The following PCP2 variants were observed in gnomAD, a reference collection of about 807,000 sequenced individuals.
The protein encoded by PCP2 is Purkinje cell protein 2.
A neutral mutation model predicts 18.3 loss-of-function variants in PCP2; 21 were observed. That is an observed-to-expected ratio of 1.14 (90% confidence interval 0.81 to 1.65). The LOEUF (loss-of-function observed/expected upper bound fraction) is 1.65. Among genes scored for constraint, PCP2 ranks in the 40% most tolerant of loss-of-function variants. The pLI, the probability that PCP2 is intolerant of heterozygous loss-of-function variation, is 0.00. For missense variants in PCP2, 202 were observed against 201.8 expected, an observed-to-expected ratio of 1.00 and a Z score of 0.00; for synonymous variants, 85 against 77.6, an observed-to-expected ratio of 1.10 and a Z score of -0.50.
upstream of PCP2, among the ~76,000 whole-genome samples, chr19:7,635,618 C>T (rs768467198): frequency 3.2e-4 from 49 of 152,172 alleles, no homozygotes; most frequent in Non-Finnish European, 7.1e-4. Flanking sequence ...ATCCCTTGAG[C>T]TCAGGAAGTC....
chr19:7,632,383 C>T lies in PCP2; in HGVS notation c.291+10G>A, dbSNP rs2031350349. 2 of 1,613,646 alleles carry T rather than the reference C, an allele frequency of 1.2e-6. No homozygotes were observed. The highest frequency in any genetic ancestry group is 1.7e-6 in the Non-Finnish European group (2 of 1,179,928). ...GGGTTTCTCCTCGACATCGCCAGAA[C>T]ATCACCTACCTTGGACCCCACGGGC... On this transcript the variant is annotated intron_variant, in intron 3 of 3. Coordinates refer to ENST00000311069, the MANE Select transcript of PCP2 (RefSeq NM_174895.3). This position sits in a 1 kb window ranked among gnomAD's most constrained non-coding sequence, Gnocchi z 5.2.
upstream of PCP2, among the ~76,000 whole-genome samples, chr19:7,634,678 T>A (rs2031462543): frequency 7.0e-6 from 1 of 143,488 alleles, no homozygotes; most frequent in African/African-American, 2.5e-5. Flanking sequence ...CCTTTAAAAT[T>A]TTTTTTTAAC....
At chr19:7,634,886 C>T (rs1236610722), upstream of PCP2, among the ~76,000 whole-genome samples, 1 of 152,180 alleles carries the variant, frequency 6.6e-6, no homozygotes, top group Non-Finnish European at 1.5e-5. Context: ...GGCATTCTCC[C>T]TCTGTGTCCC....
Position 7,632,014 on chromosome 19 carries a change from G to C in PCP2, c.292-206C>G. 1 of 501,390 alleles carries C rather than the reference G, an allele frequency of 2.0e-6. No homozygotes were observed. 31.1% of individuals were successfully genotyped at this position (501,390 alleles called of 1,614,324 possible). On this transcript the variant is annotated intron_variant, in intron 3 of 3. Transcript: ENST00000311069. The surrounding 1 kb of genome is among the most constrained non-coding windows in gnomAD (Gnocchi z 5.2). ...GGGGCCCTCGCTGGGATCTTGATCA[G>C]AACCCAAGCTTCGTGTATGTGTGAA...
chr19:7,632,505 G>T lies in PCP2; in HGVS notation c.179C>A (p.Thr60Asn). 2.5e-6 allele frequency: 4 copies of T among 1,613,400 alleles called. No homozygotes were observed. Among genetic ancestry groups the T allele is most frequent in the Non-Finnish European group, 3.4e-6 (4 of 1,179,958 alleles). The change falls in exon 3 of 4, where the codon ACC (threonine) becomes AAC (asparagine). Residue 60 changes from threonine (T) to asparagine (N), a missense_variant. Transcript: ENST00000311069. This position sits in a 1 kb window ranked among gnomAD's most constrained non-coding sequence, Gnocchi z 5.2. Reference protein sequence around the residue: ...GQTTKSQSDPTPEMDSLMDML... With the variant: ...GQTTKSQSDPNPEMDSLMDML... Reference sequence around the variant, plus strand: ...GTCCATGAGGCTGTCCATCTCGGGGGTGGGGTCGCTCTCTGCGTGGACGTT... The same window carrying T: ...GTCCATGAGGCTGTCCATCTCGGGGTTGGGGTCGCTCTCTGCGTGGACGTT...
At chr19:7,636,272 C>A (rs1027671122), upstream of PCP2, 4 of 152,176 alleles carry the variant, frequency 2.6e-5, no homozygotes, top group Non-Finnish European at 5.9e-5. Flanking sequence ...TACCTCGCAC[C>A]TTAAATCGGA....
In PCP2 at chr19:7,632,745, TGCAGTGAACAGC is replaced by T. The variant is rs767166648; in HGVS notation, c.125_136del (p.Arg42_Leu45del). 4 of 1,565,830 alleles carry T rather than the reference TGCAGTGAACAGC, an allele frequency of 2.6e-6. No individual in the cohort carries two copies. In the Admixed American group the frequency reaches 5.5e-5, roughly 22 times the overall value. ...CTTGGTGGTCTGGCCCGGCCCGGCTTGCAGTGAACAGCGCTGTCCCTCCATCCGGTCGCCCTG... is the reference window on the plus strand; with the variant it reads ...CTTGGTGGTCTGGCCCGGCCCGGCTTGCTGTCCCTCCATCCGGTCGCCCTG... On this transcript the variant is annotated inframe_deletion, in exon 2 of 4. Transcript: ENST00000311069. The surrounding 1 kb of genome is among the most constrained non-coding windows in gnomAD (Gnocchi z 5.2).
upstream of PCP2, among the ~76,000 whole-genome samples, chr19:7,634,878 C>T (rs533754951): frequency 2.1e-4 from 32 of 152,282 alleles, no homozygotes; most frequent in African/African-American, 7.0e-4. Context: ...GGTCACATGG[C>T]ATTCTCCCTC....
At chr19:7,635,596 C>T (rs116315032), upstream of PCP2, among the ~76,000 whole-genome samples, 1,426 of 152,064 alleles carry the variant, frequency 9.4e-3, 25 homozygotes, top group African/African-American at 0.031. Context: ...CTTGGGTGGC[C>T]GAAGTGGAAG....
Position 7,633,608 on chromosome 19 carries a change from C to T in PCP2, c.-151G>A. Reference sequence around the variant, plus strand: ...ATCTGCTCCCACCCAAGCTTAAGCCCCATAAAGATCATCCAGATAATTGTT... The same window carrying T: ...ATCTGCTCCCACCCAAGCTTAAGCCTCATAAAGATCATCCAGATAATTGTT... On this transcript the variant is annotated 5_prime_UTR_variant, in exon 1 of 4. Transcript: ENST00000311069. 1.4e-6 allele frequency: 1 copy of T among 705,906 alleles called. No individual in the cohort carries two copies. Among genetic ancestry groups the T allele is most frequent in the East Asian group, 2.8e-5 (1 of 35,740 alleles). The allele number at this position is 705,906 out of a possible 1,614,324, so 43.7% of individuals were successfully genotyped here. A position where few individuals can be genotyped will look rare whatever the true frequency, so the allele number is the denominator to read the frequency against.
chr19:7,635,150 C>G (rs762155852), upstream of PCP2, among the ~76,000 whole-genome samples: 18 of 152,298 alleles, frequency 1.2e-4, no homozygotes, highest in African/African-American at 4.1e-4. Context: ...CTCTGTCCCC[C>G]CAAGGGGTCA....
Position 7,632,972 on chromosome 19 carries a change from C to G in PCP2, c.52-142G>C. 2 of 1,454,792 alleles carry G rather than the reference C, an allele frequency of 1.4e-6. No homozygotes were observed. The highest frequency in any genetic ancestry group is 3.6e-4 in the Middle Eastern group (2 of 5,500). 90.1% of individuals were successfully genotyped at this position (1,454,792 alleles called of 1,614,324 possible). ...TCTCACCATGGTCCCCGCCGATCCT[C>G]TCTGCAGAGCTGTTCTGAATGAGAC... On this transcript the variant is annotated intron_variant, in intron 1 of 3. Coordinates refer to ENST00000311069, the MANE Select transcript of PCP2 (RefSeq NM_174895.3). This position sits in a 1 kb window ranked among gnomAD's most constrained non-coding sequence, Gnocchi z 5.2.
rs148587333 is a variant in PCP2, at chr19:7,632,357, C to T, written c.291+36G>A. 843 of 1,611,486 alleles carry T rather than the reference C, an allele frequency of 5.2e-4. 3 individuals are homozygous for T. The African/African-American group carries it at 9.4e-3, about 18-fold the overall frequency. On this transcript the variant is annotated intron_variant, in intron 3 of 3. Coordinates refer to ENST00000311069, the MANE Select transcript of PCP2 (RefSeq NM_174895.3). This position sits in a 1 kb window ranked among gnomAD's most constrained non-coding sequence, Gnocchi z 5.2. ...GGCAGGATCGGAGAGCACTGCCTGGCGGGTTTCTCCTCGACATCGCCAGAA... is the reference window on the plus strand; with the variant it reads ...GGCAGGATCGGAGAGCACTGCCTGGTGGGTTTCTCCTCGACATCGCCAGAA...
intron 3 of PCP2, 78 bp from the exon 4 acceptor site, chr19:7,631,886 G>A: frequency 1.5e-6 from 2 of 1,326,694 alleles, no homozygotes; most frequent in Non-Finnish European, 2.0e-6. Context: ...TGGAGAGAGG[G>A]TGCAGGTAGC....
chr19:7,635,883 C>T (rs2031510604), upstream of PCP2, among the ~76,000 whole-genome samples: 1 of 152,120 alleles, frequency 6.6e-6, no homozygotes, highest in African/African-American at 2.4e-5. Context: ...GTCAGTCTGA[C>T]CTTGTCCTAC....
upstream of PCP2, chr19:7,633,826 C>A: frequency 4.3e-6 from 1 of 231,510 alleles, no homozygotes; most frequent in Non-Finnish European, 8.4e-6. Flanking sequence ...TTAGGGAGGA[C>A]TTGCAGGTGT....
At chr19:7,636,417 A>G (rs1226197202), upstream of PCP2, 1 of 152,162 alleles carries the variant, frequency 6.6e-6, no homozygotes, top group Admixed American at 6.6e-5. Flanking sequence ...CCATGTGTGT[A>G]TCAGCATGTT....
chr19:7,632,128 T>TATTTTCTCCCTTTGGCCTCCC lies in PCP2; in HGVS notation c.291+244_291+264dup. 1 of 590,542 alleles carries TATTTTCTCCCTTTGGCCTCCC rather than the reference T, an allele frequency of 1.7e-6. No individual in the cohort carries two copies. Among genetic ancestry groups the TATTTTCTCCCTTTGGCCTCCC allele is most frequent in the East Asian group, 2.9e-5 (1 of 34,540 alleles). 36.6% of individuals were successfully genotyped at this position (590,542 alleles called of 1,614,324 possible). A position where few individuals can be genotyped will look rare whatever the true frequency, so the allele number is the denominator to read the frequency against. The stretch of plus-strand genomic sequence containing the variant: ...GGGATACTTTCCTAGGAAGGGGTCC[T>TATTTTCTCCCTTTGGCCTCCC]ATTTTCTCCCTTTGGCCTCCCCAGA... On this transcript the variant is annotated intron_variant, in intron 3 of 3. Transcript: ENST00000311069. The surrounding 1 kb of genome is among the most constrained non-coding windows in gnomAD (Gnocchi z 5.2).
rs367812520 is a variant in PCP2 at position 7,633,467 on chromosome 19, C to G, written c.-10G>C. The G allele has an allele frequency of 9.5e-6, 15 of 1,572,972 alleles. No individual in the cohort carries two copies. The highest frequency in any genetic ancestry group is 1.2e-5 in the Non-Finnish European group (14 of 1,157,776). On this transcript the variant is annotated 5_prime_UTR_variant, in exon 1 of 4. Transcript: ENST00000311069. ...CCTCCTGATCCATCATGTCCCTGGA[C>G]TCCAGTCACTTTTCTGCTGGCCTCT...
Sources: allele counts gnomAD v4.1 joint callset (sites outside exome capture counted in the v4.1 genomes callset), GRCh38; gene constraint gnomAD v4.1.1; non-coding constraint Gnocchi (gnomAD v3.1); transcripts MANE v1.5; gene names NCBI Gene and HGNC (gene_info 2026-07-23, HGNC 2026-07-21).